Variants in DNMT3B observed in about 807,000 individuals in gnomAD.
The protein encoded by DNMT3B is DNA (cytosine-5)-methyltransferase 3B.
Under a neutral mutation model 120.2 loss-of-function variants are expected in DNMT3B, and 37 were observed. The observed-to-expected ratio is 0.31, with a 90% CI of 0.24 to 0.40. The LOEUF (loss-of-function observed/expected upper bound fraction) is 0.40, where lower values mean the gene tolerates loss of function less well. Among genes scored for constraint, DNMT3B ranks in the 10% least tolerant of loss-of-function variants. The probability of loss-of-function intolerance (pLI) is 1.00; values close to 1 mark genes in which losing one functional copy is unlikely to be tolerated. For synonymous variants in DNMT3B, 412 were observed against 442.8 expected, an observed-to-expected ratio of 0.93 and a Z score of 0.87; for missense variants, 878 against 1,137.3, an observed-to-expected ratio of 0.77 and a Z score of 3.28.
intron 1 of DNMT3B, among the ~76,000 whole-genome samples, chr20:32,767,361 A>G (rs1324999863): frequency 7.0e-6 from 1 of 142,760 alleles, no homozygotes. Context: ...GGGCCAGGAG[A>G]CTGGTGAGGT....
chr20:32,796,209 G>C (rs769571364), intron 12 of DNMT3B, among the ~76,000 whole-genome samples: 1 of 152,106 alleles, frequency 6.6e-6, no homozygotes, highest in East Asian at 1.9e-4. Flanking sequence ...CAGAGAACCC[G>C]GGGAAGAGCT....
intron 12 of DNMT3B, among the ~76,000 whole-genome samples, chr20:32,796,195 G>A (rs1439152592): frequency 6.6e-6 from 1 of 152,094 alleles, no homozygotes; most frequent in Admixed American, 6.5e-5. Flanking sequence ...CCACATCCCT[G>A]ACCCAGAGAA....
At chr20:32,784,972 G>C in intron 4 of DNMT3B, 113 bp downstream of exon 4, 1 of 1,039,740 alleles carries the variant, frequency 9.6e-7, no homozygotes, top group South Asian at 1.4e-5. Context: ...AGAAAGTGAT[G>C]AAAAAATGTT....
chr20:32,795,756 TG>T, intron 12 of DNMT3B, 62 bp downstream of exon 12: 1 of 1,602,196 alleles, frequency 6.2e-7, no homozygotes, highest in Non-Finnish European at 8.5e-7. Flanking sequence ...AGGCCTGCCT[TG>T]TCCTGGCTCA....
intron 1 of DNMT3B, among the ~76,000 whole-genome samples, chr20:32,778,161 A>T (rs990406742): frequency 1.3e-5 from 2 of 152,082 alleles, no homozygotes; most frequent in African/African-American, 4.8e-5. Context: ...ACATGGTGAA[A>T]CCTGTCTCTA....
intron 1 of DNMT3B, among the ~76,000 whole-genome samples, chr20:32,776,459 A>G (rs1175416816): frequency 2.0e-5 from 3 of 152,154 alleles, no homozygotes; most frequent in Non-Finnish European, 4.4e-5. Flanking sequence ...AGTGAGATAC[A>G]TAGAAAAGAG....
At chr20:32,770,589 G>A (rs1478512641) in intron 1 of DNMT3B, among the ~76,000 whole-genome samples, 2 of 150,898 alleles carry the variant, frequency 1.3e-5, no homozygotes, top group East Asian at 2.0e-4. Context: ...TTATAGGCTT[G>A]AGCCACCATG....
rs371697425 is a variant in DNMT3B, at chr20:32,800,878, C to T, written c.1949C>T (p.Pro650Leu). 4 of 1,614,206 alleles carry T rather than the reference C, an allele frequency of 2.5e-6. No homozygotes were observed. The highest frequency in any genetic ancestry group is 3.4e-6 in the Non-Finnish European group (4 of 1,180,042). ...TTTGACTTGGTGATTGGCGGAAGCC[C>T]ATGCAACGATCTCTCAAATGTGAAT... ...GPFDLVIGGS[P>L]CNDLSNVNPA... The change falls in exon 18 of 23, where the codon CCA becomes CTA. Residue 650 changes from proline to leucine, a missense_variant. Coordinates refer to ENST00000328111, the MANE Select transcript of DNMT3B (RefSeq NM_006892.4).
At chr20:32,773,316 G>T (rs1025838223) in intron 1 of DNMT3B, among the ~76,000 whole-genome samples, 1 of 152,130 alleles carries the variant, frequency 6.6e-6, no homozygotes, top group African/African-American at 2.4e-5. Flanking sequence ...TGCTTACTAT[G>T]CCAAGGGCCC....
intron 17 of DNMT3B, among the ~76,000 whole-genome samples, chr20:32,800,541 C>T (rs1284461999): frequency 6.6e-6 from 1 of 152,168 alleles, no homozygotes; most frequent in East Asian, 1.9e-4. Flanking sequence ...TCACTGTAAC[C>T]TCTGCCTCCC....
chr20:32,796,987 C>T (rs1980706324), intron 13 of DNMT3B, 118 bp downstream of exon 13: 2 of 1,613,056 alleles, frequency 1.2e-6, no homozygotes, highest in East Asian at 2.2e-5. Context: ...AGCTGCCTTG[C>T]ACTCTGCCTC....
chr20:32,776,570 T>G (rs1988082627), intron 1 of DNMT3B, among the ~76,000 whole-genome samples: 2 of 152,240 alleles, frequency 1.3e-5, no homozygotes, highest in East Asian at 1.9e-4. Flanking sequence ...TTATTTACTT[T>G]CCCTATATAT....
At chr20:32,798,431 G>A (rs1980904434) in intron 14 of DNMT3B, 29 bp from the exon 15 acceptor site, 2 of 1,613,820 alleles carry the variant, frequency 1.2e-6, no homozygotes, top group Non-Finnish European at 1.7e-6. Flanking sequence ...TCTGACAAAG[G>A]CATCCCTTCT....
chr20:32,775,304 C>T (rs572843540), intron 1 of DNMT3B, among the ~76,000 whole-genome samples: 2 of 152,344 alleles, frequency 1.3e-5, no homozygotes, highest in African/African-American at 4.8e-5. Context: ...ACCCCCCTTC[C>T]TGCATTGTGA....
intron 9 of DNMT3B, 25 bp downstream of exon 9, chr20:32,792,795 A>C (rs775630556): frequency 1.9e-5 from 30 of 1,613,458 alleles, no homozygotes; most frequent in Non-Finnish European, 2.5e-5. Flanking sequence ...CCATGGCAGC[A>C]CCCGCTGCCT....
chr20:32,764,518 G>T (rs1987181369), intron 1 of DNMT3B, among the ~76,000 whole-genome samples: 1 of 152,176 alleles, frequency 6.6e-6, no homozygotes, highest in Non-Finnish European at 1.5e-5. Context: ...CATGAAGGCA[G>T]CTCTGAAAGC....
intron 5 of DNMT3B, 72 bp from the exon 6 acceptor site, chr20:32,787,158 T>G: frequency 6.4e-7 from 1 of 1,573,148 alleles, no homozygotes; most frequent in Non-Finnish European, 8.7e-7. Flanking sequence ...AGGAGCCATA[T>G]GGGGGTGCCG....
intron 17 of DNMT3B, 82 bp from the exon 18 acceptor site, chr20:32,800,753 C>A: frequency 6.8e-7 from 1 of 1,473,658 alleles, no homozygotes; most frequent in Non-Finnish European, 9.5e-7. Context: ...CCTCGTCCAG[C>A]CCCACGCAAG....
Position 32,802,411 on chromosome 20 carries a change from C to G in DNMT3B, c.2172C>G (p.Ile724Met), listed in dbSNP as rs1981465098. 1 of 1,614,174 alleles carries G rather than the reference C, an allele frequency of 6.2e-7. No individual in the cohort carries two copies. The highest frequency in any genetic ancestry group is 8.5e-7 in the Non-Finnish European group (1 of 1,180,034). ...LECNPVMIDA[I>M]KVSAAHRARY... Reference sequence around the variant, plus strand: ...GTAATCCAGTGATGATTGATGCCATCAAAGTTTCTGCTGCTCACAGGGCCC... The same window carrying G: ...GTAATCCAGTGATGATTGATGCCATGAAAGTTTCTGCTGCTCACAGGGCCC... Residue 724 changes from isoleucine to methionine, a missense_variant, in exon 20 of 23, where the codon ATC becomes ATG. Physicochemically the swap from Ile to Met is conservative, Grantham distance 10. Around this residue, in one of 4 missense-constraint regions of DNMT3B, gnomAD observed 334 missense variants for 518.8 expected, o/e 0.64. Coordinates refer to ENST00000328111, the MANE Select transcript of DNMT3B (RefSeq NM_006892.4).
Sources: allele counts gnomAD v4.1 joint callset (sites outside exome capture counted in the v4.1 genomes callset), GRCh38; gene constraint gnomAD v4.1.1; regional missense constraint gnomAD v4.1.1; transcripts MANE v1.5; gene names NCBI Gene and HGNC (gene_info 2026-07-23, HGNC 2026-07-21).